The following TXNDC16 variants were observed in gnomAD, a reference collection of about 807,000 sequenced individuals.
TXNDC16 encodes the protein thioredoxin domain containing 16.
A neutral mutation model predicts 85.6 loss-of-function variants in TXNDC16; 74 were observed. The observed-to-expected ratio is 0.86, with a 90% CI of 0.72 to 1.05. TXNDC16 has a LOEUF of 1.05. TXNDC16 is among the 50% of genes least tolerant of loss of function. The probability of loss-of-function intolerance (pLI) is 0.00; values close to 1 mark genes in which losing one functional copy is unlikely to be tolerated. For missense variants in TXNDC16, 959 were observed against 947.0 expected (o/e 1.01, Z -0.17); for synonymous variants, 335 against 326.5 (o/e 1.03, Z -0.28).
chr14:52,493,214 T>TACACACAC (rs1189361939), intron 9 of TXNDC16, among the ~76,000 whole-genome samples: 1 of 114,574 alleles, frequency 8.7e-6, no homozygotes, highest in African/African-American at 3.7e-5. Context: ...TATATATATA[T>TACACACAC]ATACACACAC....
intron 18 of TXNDC16, among the ~76,000 whole-genome samples, chr14:52,455,055 T>C (rs868667111): frequency 2.0e-5 from 3 of 152,212 alleles, no homozygotes; most frequent in African/African-American, 7.2e-5. Context: ...AGAATGGACA[T>C]GCTTTATAAC....
At chr14:52,539,989 A>G (rs535469420) in intron 4 of TXNDC16, among the ~76,000 whole-genome samples, 72 of 152,270 alleles carry the variant, frequency 4.7e-4, no homozygotes, top group Admixed American at 9.8e-4. Context: ...TTTGTATGCT[A>G]TAATTGCTCA....
At chr14:52,474,402 T>G (rs2035973897) in intron 14 of TXNDC16, among the ~76,000 whole-genome samples, 1 of 152,216 alleles carries the variant, frequency 6.6e-6, no homozygotes, top group South Asian at 2.1e-4. Flanking sequence ...CAACTTGCCT[T>G]GCATAAAGGA....
chr14:52,528,384 A>G (rs1594755141), intron 6 of TXNDC16, among the ~76,000 whole-genome samples: 1 of 152,256 alleles, frequency 6.6e-6, no homozygotes, highest in Middle Eastern at 3.4e-3. Context: ...ACATCTGTAA[A>G]TATTTCTCCT....
intron 20 of TXNDC16, 139 bp from the exon 21 acceptor site, chr14:52,432,726 G>C: frequency 1.2e-6 from 1 of 838,514 alleles, no homozygotes; most frequent in Non-Finnish European, 1.7e-6. Flanking sequence ...AGCAAAGCTA[G>C]GAATTTTTTT....
intron 13 of TXNDC16, 45 bp downstream of exon 13, chr14:52,482,777 T>A: frequency 6.6e-7 from 1 of 1,512,074 alleles, no homozygotes. Flanking sequence ...ATCTGGGTTT[T>A]TAAATGTCCT....
At chr14:52,493,217 A>ATATATATATATATAT in intron 9 of TXNDC16, among the ~76,000 whole-genome samples, 1 of 98,450 alleles carries the variant, frequency 1.0e-5, no homozygotes, top group African/African-American at 4.3e-5. Context: ...ATATATATAT[A>ATATATATATATATAT]CACACACACA....
At position 52,543,563 on chromosome 14, in the gene TXNDC16, G is replaced by C; in HGVS notation, c.-6C>G. 5.0e-6 allele frequency: 8 copies of C among 1,612,668 alleles called. 1 individual carries two copies. The Middle Eastern group carries it at 1.3e-3, about 266-fold the overall frequency. On this transcript the variant is annotated 5_prime_UTR_variant, in exon 3 of 21. Coordinates refer to ENST00000281741, the MANE Select transcript of TXNDC16 (RefSeq NM_020784.3). ...ACATTGAAGCCGGAAAACATTATCAGCTGCAGTTGTATCTGAGCGGATTTT... is the reference window on the plus strand; with the variant it reads ...ACATTGAAGCCGGAAAACATTATCACCTGCAGTTGTATCTGAGCGGATTTT...
chr14:52,463,230 T>C (rs1038603620), intron 16 of TXNDC16, among the ~76,000 whole-genome samples: 33 of 150,876 alleles, frequency 2.2e-4, no homozygotes, highest in African/African-American at 7.6e-4. Context: ...CAAACTCAGA[T>C]AGCTCAGAAC....
intron 12 of TXNDC16, among the ~76,000 whole-genome samples, chr14:52,484,636 T>C (rs1025008583): frequency 2.0e-5 from 3 of 152,240 alleles, no homozygotes; most frequent in African/African-American, 4.8e-5. Context: ...TCCCAGCACT[T>C]TGGGGGGCCG....
At chr14:52,463,577 T>A (rs2035703604) in intron 16 of TXNDC16, among the ~76,000 whole-genome samples, 1 of 152,176 alleles carries the variant, frequency 6.6e-6, no homozygotes, top group East Asian at 1.9e-4. Flanking sequence ...AATAGCTGGA[T>A]TGGTTACAGC....
Position 52,498,691 on chromosome 14 carries a change from C to T in TXNDC16, c.757-7686G>A, listed in dbSNP as rs545266151. On this transcript the variant is annotated intron_variant, in intron 9 of 20. Coordinates refer to ENST00000281741, the MANE Select transcript of TXNDC16 (RefSeq NM_020784.3). ...TAAAAGACATAAATAAATGGAAAGACATTCTGTGTTCATGGATTAGAAGAC... is the reference window on the plus strand; with the variant it reads ...TAAAAGACATAAATAAATGGAAAGATATTCTGTGTTCATGGATTAGAAGAC... Among the ~76,000 whole-genome samples the T allele has an allele frequency of 1.7e-3, 256 of 152,142 alleles. 1 individual carries two copies. Among genetic ancestry groups the T allele is most frequent in the Non-Finnish European group, 3.0e-3 (202 of 67,964 alleles).
intron 8 of TXNDC16, among the ~76,000 whole-genome samples, chr14:52,514,196 A>T (rs2037024961): frequency 1.3e-5 from 2 of 152,140 alleles, no homozygotes; most frequent in Non-Finnish European, 2.9e-5. Flanking sequence ...GCTGTAAAAC[A>T]TCTGGGCTTT....
chr14:52,537,738 CAA>C (rs1306122897), intron 4 of TXNDC16, 66 bp from the exon 5 acceptor site: 2 of 915,328 alleles, frequency 2.2e-6, no homozygotes, highest in Non-Finnish European at 3.4e-6. Context: ...GTTGGGGAAA[CAA>C]GAAGGAGAAT....
At chr14:52,478,220 A>T (rs930290715) in intron 14 of TXNDC16, among the ~76,000 whole-genome samples, 17 of 152,252 alleles carry the variant, frequency 1.1e-4, no homozygotes, top group African/African-American at 4.1e-4. Flanking sequence ...TGCTTACATC[A>T]AAGTCTGAAA....
chr14:52,535,094 T>A (rs528590227), intron 6 of TXNDC16, among the ~76,000 whole-genome samples: 1 of 152,232 alleles, frequency 6.6e-6, no homozygotes, highest in African/African-American at 2.4e-5. Flanking sequence ...TCATTCTTTA[T>A]GAAAAGACTT....
chr14:52,483,026 C>T, intron 12 of TXNDC16, 61 bp from the exon 13 acceptor site: 2 of 1,364,914 alleles, frequency 1.5e-6, no homozygotes, highest in Non-Finnish European at 2.0e-6. Context: ...TATTTAAGCT[C>T]TTCTCATAGG....
chr14:52,537,496 C>T, intron 5 of TXNDC16, 103 bp downstream of exon 5: 2 of 831,032 alleles, frequency 2.4e-6, no homozygotes, highest in Admixed American at 2.3e-5. Flanking sequence ...TACATGATCC[C>T]CCCTACATAT....
intron 8 of TXNDC16, among the ~76,000 whole-genome samples, chr14:52,512,621 A>T (rs1010562422): frequency 4.6e-5 from 7 of 152,208 alleles, no homozygotes; most frequent in African/African-American, 1.7e-4. Flanking sequence ...ATGTTGGAAA[A>T]TTATTTTATC....
Sources: gnomAD v4.1 joint callset for allele counts (sites outside exome capture counted in the v4.1 genomes callset) on GRCh38, gnomAD v4.1.1 for gene constraint, MANE v1.5 for transcripts, NCBI Gene and HGNC (gene_info 2026-07-23, HGNC 2026-07-21) for gene names.